The following MACO1 variants were observed in gnomAD, a reference collection of about 807,000 sequenced individuals.
The protein encoded by MACO1 is macoilin 1, also known as macoilin.
Under a neutral mutation model 78.7 loss-of-function variants are expected in MACO1, and 14 were observed. The ratio of observed to expected loss-of-function variants is 0.18; its 90% CI spans 0.12 to 0.28. MACO1 has a LOEUF of 0.28. Among genes scored for constraint, MACO1 ranks in the 10% least tolerant of loss-of-function variants. MACO1 has a pLI of 1.00. For synonymous variants in MACO1, 288 were observed against 291.6 expected (o/e 0.99, Z 0.12); for missense variants, 501 against 799.0 (o/e 0.63, Z 4.50).
intron 4 of MACO1, 86 bp downstream of exon 4, chr1:25,454,468 G>GTATATATATATATATATATATATATA (rs1331624529): frequency 6.6e-6 from 1 of 152,520 alleles, no homozygotes; most frequent in East Asian, 2.9e-4. Flanking sequence ...GTGTGTGTGT[G>GTATATATATATATATATATATATATA]TGTATATATA....
At chr1:25,495,360 C>A (rs2043525699) in intron 10 of MACO1, among the ~76,000 whole-genome samples, 1 of 152,156 alleles carries the variant, frequency 6.6e-6, no homozygotes, top group Admixed American at 6.5e-5. Flanking sequence ...TTAAAGAAAT[C>A]AAACTTAAAT....
intron 6 of MACO1, among the ~76,000 whole-genome samples, chr1:25,467,808 C>G (rs2043232742): frequency 7.0e-6 from 1 of 142,870 alleles, no homozygotes; most frequent in South Asian, 2.2e-4. Context: ...TGTTGTTTTT[C>G]ATTTTTATCA....
Position 25,484,407 on chromosome 1 carries a change from CTTTA to C in MACO1, c.1313+138_1313+141del, listed in dbSNP as rs567762860. 7.9e-3 allele frequency: 6,705 copies of C among 848,222 alleles called. 50 individuals are homozygous for C. The highest frequency in any genetic ancestry group is 9.3e-3 in the Non-Finnish European group (5,509 of 589,918). The allele number at this position is 848,222 out of a possible 1,614,324, so 52.5% of individuals were successfully genotyped here. On this transcript the variant is annotated intron_variant, in intron 7 of 10. Coordinates refer to ENST00000374343, the MANE Select transcript of MACO1 (RefSeq NM_018202.6). ...GTTTTTAAATAAAATGTTTAAAATA[CTTTA>C]TTTAGTACCAGATATTCAACATGTT...
At chr1:25,441,407 A>T (rs1571951448) in intron 1 of MACO1, among the ~76,000 whole-genome samples, 1 of 151,568 alleles carries the variant, frequency 6.6e-6, no homozygotes, top group Non-Finnish European at 1.5e-5. Context: ...CTGGTCTCGA[A>T]CTCCTGACTT....
chr1:25,497,749 G>C (rs375466834), intron 10 of MACO1, among the ~76,000 whole-genome samples: 1 of 152,170 alleles, frequency 6.6e-6, no homozygotes, highest in Admixed American at 6.5e-5. Context: ...TGGTTATGCT[G>C]TATTCCTTGG....
At chr1:25,441,118 G>A (rs11249250) in intron 1 of MACO1, among the ~76,000 whole-genome samples, 86,624 of 152,026 alleles carry the variant, frequency 0.57, 25,621 homozygotes, top group African/African-American at 0.71. Context: ...CTCTATATTC[G>A]TTGTAAGTAT....
intron 6 of MACO1, among the ~76,000 whole-genome samples, chr1:25,463,736 A>G (rs1034662318): frequency 6.6e-5 from 10 of 152,256 alleles, no homozygotes; most frequent in African/African-American, 1.4e-4. Context: ...AAGGAAGAGA[A>G]AATAGTCCCA....
intron 4 of MACO1, among the ~76,000 whole-genome samples, chr1:25,455,040 C>A (rs1159943706): frequency 1.3e-5 from 2 of 152,254 alleles, no homozygotes; most frequent in East Asian, 3.9e-4. Flanking sequence ...TGAAGTGATA[C>A]ATGTATTCAA....
intron 1 of MACO1, among the ~76,000 whole-genome samples, chr1:25,437,298 C>CTTTTT (rs1173305681): frequency 6.1e-5 from 4 of 65,870 alleles, no homozygotes; most frequent in African/African-American, 6.5e-5. Flanking sequence ...CCATGCCTGG[C>CTTTTT]TTTTTTTTTT....
At chr1:25,434,125 A>T (rs1161013426) in intron 1 of MACO1, among the ~76,000 whole-genome samples, 1 of 152,224 alleles carries the variant, frequency 6.6e-6, no homozygotes, top group East Asian at 1.9e-4. Flanking sequence ...AGGAAAATTA[A>T]TTTTAGACAT....
At chr1:25,462,808 G>A (rs1309993513) in intron 6 of MACO1, among the ~76,000 whole-genome samples, 2 of 55,620 alleles carry the variant, frequency 3.6e-5, no homozygotes, top group East Asian at 4.6e-3. Flanking sequence ...AGTCTGGCAG[G>A]TCTTTCTCAA....
At chr1:25,455,083 G>A (rs574720970) in intron 4 of MACO1, among the ~76,000 whole-genome samples, 74 of 152,298 alleles carry the variant, frequency 4.9e-4, no homozygotes, top group Middle Eastern at 3.4e-3. Flanking sequence ...TCTGATGAAT[G>A]TTAGCTATGT....
chr1:25,479,679 G>A (rs1325836642), intron 6 of MACO1, among the ~76,000 whole-genome samples: 3 of 152,118 alleles, frequency 2.0e-5, no homozygotes, highest in African/African-American at 2.4e-5. Context: ...AAAGTGCTGG[G>A]ATTACAGGCC....
At chr1:25,451,314 A>C (rs145567752) in intron 3 of MACO1, among the ~76,000 whole-genome samples, 3 of 152,334 alleles carry the variant, frequency 2.0e-5, no homozygotes, top group Admixed American at 1.3e-4. Context: ...ATTGTAGCAT[A>C]AGCTTTTTTC....
intron 1 of MACO1, among the ~76,000 whole-genome samples, chr1:25,434,034 G>T (rs1220390613): frequency 1.3e-5 from 2 of 152,226 alleles, no homozygotes; most frequent in Non-Finnish European, 2.9e-5. Context: ...TCCAACAACT[G>T]TTACTGAGGT....
intron 6 of MACO1, among the ~76,000 whole-genome samples, chr1:25,473,767 T>C (rs987250154): frequency 6.6e-6 from 1 of 152,244 alleles, no homozygotes; most frequent in Non-Finnish European, 1.5e-5. Context: ...AACTGGCTAT[T>C]TGGATACTTT....
intron 10 of MACO1, among the ~76,000 whole-genome samples, chr1:25,495,711 A>C (rs35932420): frequency 0.5 from 76,748 of 151,994 alleles, 19,741 homozygotes; most frequent in East Asian, 0.73. Flanking sequence ...CACCTGTAAT[A>C]CCAGCACTTT....
intron 6 of MACO1, among the ~76,000 whole-genome samples, chr1:25,480,927 AAAATATATATATATATATATATAT>A (rs1242259075): frequency 6.7e-5 from 2 of 29,898 alleles, no homozygotes; most frequent in African/African-American, 2.0e-4. Flanking sequence ...AAAAAAAAAA[AAAATATATATATATATATATATAT>A]ATATATATAT....
At chr1:25,460,875 C>T (rs1305370804) in intron 6 of MACO1, among the ~76,000 whole-genome samples, 1 of 152,056 alleles carries the variant, frequency 6.6e-6, no homozygotes, top group Non-Finnish European at 1.5e-5. Flanking sequence ...TGGAGAACTA[C>T]TTACTATCAA....
Sources: gnomAD v4.1 joint callset for allele counts (sites outside exome capture counted in the v4.1 genomes callset) on GRCh38, gnomAD v4.1.1 for gene constraint, MANE v1.5 for transcripts, NCBI Gene and HGNC (gene_info 2026-07-23, HGNC 2026-07-21) for gene names.